The following COL19A1 variants were observed in gnomAD, a reference collection of about 807,000 sequenced individuals.
COL19A1 encodes collagen type XIX alpha 1 chain.
COL19A1 carries 159 observed loss-of-function variants against 190.2 expected under a neutral mutation model. That is an observed-to-expected ratio of 0.84 (90% CI 0.73 to 0.95). The LOEUF (loss-of-function observed/expected upper bound fraction) is 0.95. Ranked by LOEUF, COL19A1 falls within the 40% of genes least tolerant of loss-of-function variation. COL19A1 has a pLI of 0.00. For synonymous variants in COL19A1, 509 were observed against 458.9 expected (o/e 1.11, Z -1.39); for missense variants, 1,418 against 1,431.9 (o/e 0.99, Z 0.16).
chr6:70,149,181 A>G (rs1583028502), intron 27 of COL19A1, among the ~76,000 whole-genome samples: 2 of 152,110 alleles, frequency 1.3e-5, no homozygotes, highest in African/African-American at 4.8e-5. Context: ...GAGCGGTACA[A>G]CTACCATCGT....
At chr6:70,054,664 A>C (rs1187319248) in intron 14 of COL19A1, among the ~76,000 whole-genome samples, 1 of 152,208 alleles carries the variant, frequency 6.6e-6, no homozygotes, top group Non-Finnish European at 1.5e-5. Flanking sequence ...AGAATCAAAC[A>C]GTACTGTTAA....
At chr6:70,149,435 C>T (rs902001338) in intron 27 of COL19A1, among the ~76,000 whole-genome samples, 4 of 152,088 alleles carry the variant, frequency 2.6e-5, no homozygotes, top group African/African-American at 7.2e-5. Context: ...TTTGTGCCCT[C>T]ATGAATGTGC....
At chr6:69,899,077 G>T (rs1769984808) in intron 3 of COL19A1, 55 bp downstream of exon 3, 1 of 1,126,420 alleles carries the variant, frequency 8.9e-7, no homozygotes, top group African/African-American at 1.5e-5. Flanking sequence ...ATCACCAAAT[G>T]CTAGATATGG....
At chr6:69,958,534 A>G (rs1435343231) in intron 9 of COL19A1, among the ~76,000 whole-genome samples, 3 of 152,214 alleles carry the variant, frequency 2.0e-5, no homozygotes, top group African/African-American at 7.2e-5. Flanking sequence ...CTAAAACTAT[A>G]ACAATTTGTT....
intron 11 of COL19A1, among the ~76,000 whole-genome samples, chr6:70,004,961 T>C (rs1267300843): frequency 1.3e-5 from 2 of 151,884 alleles, no homozygotes; most frequent in African/African-American, 2.4e-5. Flanking sequence ...GCCTCCTGAG[T>C]AGCTGGGACT....
intron 11 of COL19A1, among the ~76,000 whole-genome samples, chr6:70,022,971 T>A (rs1225861052): frequency 6.6e-6 from 1 of 152,154 alleles, no homozygotes; most frequent in Non-Finnish European, 1.5e-5. Context: ...ATTTCATTAG[T>A]ATACATTTTT....
intron 35 of COL19A1, among the ~76,000 whole-genome samples, chr6:70,162,677 T>A (rs757990270): frequency 6.6e-6 from 1 of 152,196 alleles, no homozygotes; most frequent in Non-Finnish European, 1.5e-5. Context: ...CCTCATCCTT[T>A]CTTAGAGTTC....
Position 70,210,049 on chromosome 6 carries a change from A to C in COL19A1, c.*2775A>C, listed in dbSNP as rs1183241020. 1 of 152,186 alleles carries C rather than the reference A, an allele frequency of 6.6e-6. No individual in the cohort carries two copies. The highest frequency in any genetic ancestry group is 2.4e-5 in the African/African-American group (1 of 41,452). The allele number at this position is 152,186 out of a possible 1,614,324, so 9.4% of individuals were successfully genotyped here. Reference sequence around the variant, plus strand: ...TGTGTTTATTTCCACATAGATGTTAATGATGTTCAAAGCAGGGGAGAAGAA... The same window carrying C: ...TGTGTTTATTTCCACATAGATGTTACTGATGTTCAAAGCAGGGGAGAAGAA... On this transcript the variant is annotated 3_prime_UTR_variant, in exon 51 of 51. Transcript: ENST00000620364.
At chr6:70,153,077 C>A (rs976000743) in intron 31 of COL19A1, among the ~76,000 whole-genome samples, 4 of 152,062 alleles carry the variant, frequency 2.6e-5, no homozygotes, top group African/African-American at 9.7e-5. Flanking sequence ...ACGAGCAGGA[C>A]ATCTTGACTG....
intron 4 of COL19A1, among the ~76,000 whole-genome samples, chr6:69,903,952 G>A (rs78090429): frequency 0.035 from 5,286 of 152,226 alleles, 325 homozygotes; most frequent in African/African-American, 0.12. Context: ...ACATGGTGGG[G>A]CTATGTATAT....
At chr6:69,972,443 A>G (rs1020024376) in intron 11 of COL19A1, among the ~76,000 whole-genome samples, 5 of 152,234 alleles carry the variant, frequency 3.3e-5, no homozygotes. Context: ...TTGAATGCCT[A>G]GCACACAAAA....
intron 11 of COL19A1, among the ~76,000 whole-genome samples, chr6:70,013,439 G>GAAAAAAAAAAAAAAACC (rs1778015025): frequency 9.2e-5 from 1 of 10,838 alleles, no homozygotes; most frequent in Non-Finnish European, 1.3e-4. Flanking sequence ...TTTTTGAAAG[G>GAAAAAAAAAAAAAAACC]ATCAACAAAA....
intron 14 of COL19A1, among the ~76,000 whole-genome samples, chr6:70,066,444 G>T (rs553082517): frequency 3.3e-5 from 5 of 151,814 alleles, no homozygotes; most frequent in Admixed American, 6.6e-5. Context: ...CCTGGGTCCT[G>T]TTGTGGGGTG....
intron 9 of COL19A1, among the ~76,000 whole-genome samples, chr6:69,945,568 T>C (rs559389504): frequency 6.6e-6 from 1 of 152,218 alleles, no homozygotes; most frequent in African/African-American, 2.4e-5. Flanking sequence ...TAGGATTTAA[T>C]ATTATTCTTT....
At position 70,140,307 on chromosome 6, in the gene COL19A1, G is replaced by A. The variant is rs1395999473; in HGVS notation, c.1447-647G>A. On this transcript the variant is annotated intron_variant, in intron 19 of 50. Transcript: ENST00000620364. ...TTATAATATATATTACAATGTAAGT[G>A]CTATGTAAATAGTTGTTATACTGTA... Among the ~76,000 whole-genome samples, 4 of 151,910 alleles carry A rather than the reference G, an allele frequency of 2.6e-5. No individual in the cohort carries two copies. In the East Asian group the frequency reaches 7.7e-4, roughly 29 times the overall value.
chr6:70,125,615 A>AT (rs987375284), intron 17 of COL19A1, among the ~76,000 whole-genome samples: 15 of 152,180 alleles, frequency 9.9e-5, no homozygotes, highest in Non-Finnish European at 2.1e-4. Context: ...AGAAAAAAAA[A>AT]GCAAATGAGG....
intron 14 of COL19A1, among the ~76,000 whole-genome samples, chr6:70,045,745 C>G (rs1471860627): frequency 6.6e-6 from 1 of 152,178 alleles, no homozygotes; most frequent in African/African-American, 2.4e-5. Flanking sequence ...ACCAACCCCA[C>G]TTTACTTTAC....
chr6:69,941,879 G>A (rs972383553), intron 9 of COL19A1, among the ~76,000 whole-genome samples: 4 of 151,928 alleles, frequency 2.6e-5, no homozygotes, highest in African/African-American at 9.7e-5. Context: ...TGGTAGAGAT[G>A]GGGTTTCACC....
rs748047663 is a variant in COL19A1 at position 70,156,173 on chromosome 6, A to G, written c.2126A>G (p.Asn709Ser). Residue 709 changes from asparagine to serine, a missense_variant, in exon 32 of 51, where the codon AAC becomes AGC. Physicochemically the swap from Asn to Ser is conservative, Grantham distance 46 (BLOSUM62 1). Transcript: ENST00000620364. ...GCCAGTGTCCCAGGGCTGAAAAGCA[A>G]CAAAGGAGAAGAAGGAGGTGCTGGT... ...CQASVPGLKS[N>S]KGEEGGAGEP... 5.0e-6 allele frequency: 8 copies of G among 1,613,300 alleles called. No homozygotes were observed. The East Asian group carries it at 1.3e-4, about 27-fold the overall frequency.
Sources: gnomAD v4.1 joint callset for allele counts (sites outside exome capture counted in the v4.1 genomes callset) on GRCh38, gnomAD v4.1.1 for gene constraint, MANE v1.5 for transcripts, NCBI Gene and HGNC (gene_info 2026-07-23, HGNC 2026-07-21) for gene names.